The following FAM227B variants were observed in gnomAD, a reference collection of about 807,000 sequenced individuals.
The protein encoded by FAM227B is protein FAM227B.
In FAM227B, 88 loss-of-function variants were observed where a neutral mutation model predicts 73.8. The observed-to-expected ratio is 1.19, with a 90% CI of 1.00 to 1.42. The LOEUF is 1.42. FAM227B is among the 40% of genes most tolerant of loss of function. The pLI, the probability that FAM227B is intolerant of heterozygous loss-of-function variation, is 0.00. For synonymous variants in FAM227B, 210 were observed against 190.5 expected, an observed-to-expected ratio of 1.10 and a Z score of -0.84; for missense variants, 632 against 590.9, an observed-to-expected ratio of 1.07 and a Z score of -0.72.
chr15:49,458,677 C>T (rs1270778009), intron 11 of FAM227B, among the ~76,000 whole-genome samples: 1 of 152,006 alleles, frequency 6.6e-6, no homozygotes, highest in African/African-American at 2.4e-5. Context: ...CTTCAGAAAA[C>T]AAAACTCAAA....
At chr15:49,444,774 T>C (rs1226190639) in intron 11 of FAM227B, among the ~76,000 whole-genome samples, 1 of 151,698 alleles carries the variant, frequency 6.6e-6, no homozygotes, top group Non-Finnish European at 1.5e-5. Context: ...TCTGCATGAA[T>C]CTATCATTCA....
At chr15:49,570,167 A>T (rs1185692145) in intron 8 of FAM227B, among the ~76,000 whole-genome samples, 1 of 151,912 alleles carries the variant, frequency 6.6e-6, no homozygotes, top group Admixed American at 6.6e-5. Flanking sequence ...GGATTACTGG[A>T]GCATGTGGTA....
intron 9 of FAM227B, among the ~76,000 whole-genome samples, chr15:49,557,933 T>C (rs1273539001): frequency 6.6e-6 from 1 of 152,186 alleles, no homozygotes; most frequent in African/African-American, 2.4e-5. Flanking sequence ...GCAGCCAGAC[T>C]GCCCCACTGC....
chr15:49,461,656 A>G lies in FAM227B; in HGVS notation c.1012+46555T>C, dbSNP rs185833862. 3.5e-3 allele frequency among the ~76,000 whole-genome samples: 533 copies of G among 152,364 alleles called. 2 individuals are homozygous for G. Among genetic ancestry groups the G allele is most frequent in the Non-Finnish European group, 5.8e-3 (395 of 68,040 alleles). ...CTATGTATTCAGATAGTGCAGGTAC[A>G]ATATGTACATTCTCAAAGCATCAAA... On this transcript the variant is annotated intron_variant, in intron 11 of 15. Coordinates refer to ENST00000299338, the MANE Select transcript of FAM227B (RefSeq NM_152647.3).
At chr15:49,390,914 C>A (rs113902723) in intron 11 of FAM227B, among the ~76,000 whole-genome samples, 3,255 of 152,072 alleles carry the variant, frequency 0.021, 57 homozygotes, top group African/African-American at 0.037. Flanking sequence ...CGAGACACTG[C>A]TATTAACCTG....
At chr15:49,382,775 T>C (rs928299527) in intron 11 of FAM227B, among the ~76,000 whole-genome samples, 9 of 152,082 alleles carry the variant, frequency 5.9e-5, no homozygotes, top group Non-Finnish European at 7.4e-5. Context: ...TAGGGTAAGA[T>C]GGAGCTCTCC....
chr15:49,494,427 T>C (rs1184740840), intron 11 of FAM227B, among the ~76,000 whole-genome samples: 1 of 152,168 alleles, frequency 6.6e-6, no homozygotes, highest in Non-Finnish European at 1.5e-5. Flanking sequence ...CAAGGTCCAG[T>C]ATTGTCCTGG....
chr15:49,516,243 T>A (rs2059369689), intron 10 of FAM227B, among the ~76,000 whole-genome samples: 1 of 152,152 alleles, frequency 6.6e-6, no homozygotes, highest in Non-Finnish European at 1.5e-5. Context: ...TGTCACACTA[T>A]CCCTAAGCTT....
At chr15:49,483,708 C>A (rs1367993812) in intron 11 of FAM227B, among the ~76,000 whole-genome samples, 1 of 152,012 alleles carries the variant, frequency 6.6e-6, no homozygotes, top group Non-Finnish European at 1.5e-5. Context: ...TTCACATTGT[C>A]CCCACTTCAC....
At chr15:49,521,120 C>T (rs1274826538) in intron 10 of FAM227B, among the ~76,000 whole-genome samples, 1 of 152,178 alleles carries the variant, frequency 6.6e-6, no homozygotes, top group Non-Finnish European at 1.5e-5. Context: ...GGGTGCCATA[C>T]TGCTTGTACA....
chr15:49,508,781 T>C (rs2058765202), intron 10 of FAM227B, among the ~76,000 whole-genome samples: 1 of 152,218 alleles, frequency 6.6e-6, no homozygotes, highest in African/African-American at 2.4e-5. Flanking sequence ...TTATCACTTA[T>C]TTAGCAGACT....
chr15:49,528,811 A>G (rs2060398265), intron 10 of FAM227B, among the ~76,000 whole-genome samples: 1 of 151,978 alleles, frequency 6.6e-6, no homozygotes, highest in South Asian at 2.1e-4. Context: ...GCTATTATCA[A>G]AAAGTCAAAA....
At position 49,541,622 on chromosome 15, in the gene FAM227B, C is replaced by T. The variant is rs186028856; in HGVS notation, c.874+58G>A. 1,095 of 1,317,012 alleles carry T rather than the reference C, an allele frequency of 8.3e-4. 13 individuals are homozygous for T. The African/African-American group carries it at 0.015, about 18-fold the overall frequency. 81.6% of individuals were successfully genotyped at this position (1,317,012 alleles called of 1,614,324 possible). On this transcript the variant is annotated intron_variant, in intron 10 of 15. Transcript: ENST00000299338. ...TTTGGATGGAATAAATAAAATACTG[C>T]AACCCCAAAATTTTAGAAACCAAAA... is the stretch of plus-strand genomic sequence containing the variant.
chr15:49,512,434 G>A (rs1268836953), intron 10 of FAM227B, among the ~76,000 whole-genome samples: 1 of 151,828 alleles, frequency 6.6e-6, no homozygotes, highest in Non-Finnish European at 1.5e-5. Context: ...ACTAAGAGTT[G>A]TACATTTCTT....
chr15:49,584,528 G>A (rs569260303), intron 5 of FAM227B, among the ~76,000 whole-genome samples: 1 of 152,120 alleles, frequency 6.6e-6, no homozygotes, highest in Non-Finnish European at 1.5e-5. Flanking sequence ...TATCAGGCAG[G>A]AGAAAGAAAT....
At chr15:49,451,150 CA>C (rs2052691766) in intron 11 of FAM227B, among the ~76,000 whole-genome samples, 1 of 151,428 alleles carries the variant, frequency 6.6e-6, no homozygotes, top group African/African-American at 2.4e-5. Flanking sequence ...TATTTGTTTC[CA>C]AAATATTAAC....
At chr15:49,414,694 T>C (rs1428367468) in intron 11 of FAM227B, among the ~76,000 whole-genome samples, 1 of 152,018 alleles carries the variant, frequency 6.6e-6, no homozygotes, top group East Asian at 1.9e-4. Flanking sequence ...ATGTGAACTA[T>C]AACAATAACT....
chr15:49,596,048 A>C (rs943883238), intron 3 of FAM227B, among the ~76,000 whole-genome samples: 1 of 152,060 alleles, frequency 6.6e-6, no homozygotes, highest in Non-Finnish European at 1.5e-5. Flanking sequence ...ACTTGAGGGA[A>C]TAATCAAGAA....
intron 11 of FAM227B, among the ~76,000 whole-genome samples, chr15:49,411,859 A>G (rs1431683370): frequency 6.6e-6 from 1 of 152,104 alleles, no homozygotes; most frequent in Non-Finnish European, 1.5e-5. Context: ...TGCACAAATA[A>G]TAGGATATAT....
Sources: gnomAD v4.1 joint callset for allele counts (sites outside exome capture counted in the v4.1 genomes callset) on GRCh38, gnomAD v4.1.1 for gene constraint, MANE v1.5 for transcripts, NCBI Gene and HGNC (gene_info 2026-07-23, HGNC 2026-07-21) for gene names.